Variants in ZNF732 observed in about 807,000 individuals in gnomAD.
ZNF732 encodes the protein zinc finger protein 732, also known as zinc finger protein LOC654254.
A neutral mutation model predicts 11.5 loss-of-function variants in ZNF732; 12 were observed. That is an observed-to-expected ratio of 1.05 (90% CI 0.67 to 1.70). The LOEUF is 1.70. ZNF732 is among the 40% of genes most tolerant of loss of function. The probability of loss-of-function intolerance (pLI) is 0.00; values close to 1 mark genes in which losing one functional copy is unlikely to be tolerated. For synonymous variants in ZNF732, 231 were observed against 236.5 expected, an observed-to-expected ratio of 0.98 and a Z score of 0.21; for missense variants, 702 against 676.9, an observed-to-expected ratio of 1.04 and a Z score of -0.41.
chr4:279,581 G>T (rs899955435), intron 3 of ZNF732, among the ~76,000 whole-genome samples: 6 of 152,052 alleles, frequency 3.9e-5, no homozygotes, highest in Admixed American at 3.9e-4. Context: ...GCAGTTTATT[G>T]TTTATGAGGT....
intron 3 of ZNF732, among the ~76,000 whole-genome samples, chr4:293,363 A>C (rs1225974817): frequency 4.0e-5 from 6 of 150,350 alleles, no homozygotes; most frequent in African/African-American, 1.5e-4. Flanking sequence ...ATAAAAGAAA[A>C]GGAAATCTAG....
chr4:295,897 C>T (rs1252980160), intron 2 of ZNF732, 132 bp downstream of exon 2: 2 of 1,170,342 alleles, frequency 1.7e-6, no homozygotes, highest in African/African-American at 3.2e-5. Flanking sequence ...CACCAGCAAA[C>T]TCCCAACAGT....
Position 270,697 on chromosome 4 carries a change from T to G in ZNF732, c.*402A>C. 5.1e-6 allele frequency: 2 copies of G among 390,036 alleles called. No homozygotes were observed. The highest frequency in any genetic ancestry group is 1.0e-5 in the Non-Finnish European group (2 of 198,400). 24.2% of individuals were successfully genotyped at this position (390,036 alleles called of 1,614,324 possible). A position where few individuals can be genotyped will look rare whatever the true frequency, so the allele number is the denominator to read the frequency against. On this transcript the variant is annotated 3_prime_UTR_variant, in exon 4 of 4. Transcript: ENST00000419098. Reference sequence around the variant, plus strand: ...CTTACATTTGTAGGTGTTCTCTCCATTATGAATTTTCTCATGTTTATTTAT... The same window carrying G: ...CTTACATTTGTAGGTGTTCTCTCCAGTATGAATTTTCTCATGTTTATTTAT...
chr4:299,012 T>C (rs1010845172), intron 1 of ZNF732, among the ~76,000 whole-genome samples: 28 of 152,144 alleles, frequency 1.8e-4, no homozygotes, highest in African/African-American at 6.8e-4. Flanking sequence ...TCTCATGATG[T>C]AGAAAATGTC....
At position 272,458 on chromosome 4, in the gene ZNF732, C is replaced by G. The variant is rs1226639347; in HGVS notation, c.399G>C (p.Leu133Phe). Residue 133 changes from leucine (L) to phenylalanine (F), a missense_variant, in exon 4 of 4, where the codon TTG becomes TTC. This residue lies in a region of ZNF732 where 596 missense variants were observed against 557.9 expected (regional missense o/e 1.07). Transcript: ENST00000419098. ...GAAATATTTTGCTCTGGATAGTTGA[C>G]AAGCATTGATTAAATTCATTATAAC... ...KGGYNEFNQC[L>F]STIQSKIFQC... 5.0e-6 allele frequency: 8 copies of G among 1,600,506 alleles called. No homozygotes were observed. The highest frequency in any genetic ancestry group is 6.8e-6 in the Non-Finnish European group (8 of 1,172,504).
intron 3 of ZNF732, among the ~76,000 whole-genome samples, chr4:285,343 G>A (rs1247526968): frequency 2.0e-5 from 3 of 152,192 alleles, no homozygotes; most frequent in Non-Finnish European, 4.4e-5. Flanking sequence ...ATGGTCAGGT[G>A]ATCCAGAAGC....
chr4:276,841 T>A (rs961189984), intron 3 of ZNF732, among the ~76,000 whole-genome samples: 1 of 150,324 alleles, frequency 6.7e-6, no homozygotes, highest in Non-Finnish European at 1.5e-5. Flanking sequence ...GACCCCCAAA[T>A]AGCAAAAGTA....
chr4:305,006 C>T (rs181240558), intron 1 of ZNF732, among the ~76,000 whole-genome samples: 3 of 152,198 alleles, frequency 2.0e-5, no homozygotes, highest in Non-Finnish European at 4.4e-5. Context: ...GACCACAGCT[C>T]CTCCCAGGCG....
chr4:305,468 A>T lies in ZNF732; in HGVS notation c.-158T>A. On this transcript the variant is annotated 5_prime_UTR_variant, in exon 1 of 4. Coordinates refer to ENST00000419098, the MANE Select transcript of ZNF732 (RefSeq NM_001137608.3). ...ACCCTAACCGAGCTCACGCTGGCGC[A>T]AAAGGCAAAAGCCGCGCCAGATCCC... 9.6e-7 allele frequency: 1 copy of T among 1,040,228 alleles called. No individual in the cohort carries two copies. The allele number at this position is 1,040,228 out of a possible 1,614,324, so 64.4% of individuals were successfully genotyped here. A position where few individuals can be genotyped will look rare whatever the true frequency, so the allele number is the denominator to read the frequency against.
At chr4:294,441 G>A (rs782818291) in intron 3 of ZNF732, among the ~76,000 whole-genome samples, 18 of 152,226 alleles carry the variant, frequency 1.2e-4, no homozygotes, top group Admixed American at 3.3e-4. Flanking sequence ...ACAGATACAC[G>A]TCAATGACAG....
At chr4:303,837 A>T (rs1243764125) in intron 1 of ZNF732, among the ~76,000 whole-genome samples, 1 of 152,184 alleles carries the variant, frequency 6.6e-6, no homozygotes, top group Non-Finnish European at 1.5e-5. Flanking sequence ...ACAGGAAATA[A>T]GATTTGTGAG....
chr4:285,678 A>G (rs1164686155), intron 3 of ZNF732, among the ~76,000 whole-genome samples: 4 of 152,196 alleles, frequency 2.6e-5, no homozygotes, highest in African/African-American at 9.7e-5. Context: ...GCTTCTGTGC[A>G]AAATTTTAAA....
At chr4:295,622 G>T in intron 2 of ZNF732, 89 bp from the exon 3 acceptor site, 1 of 1,126,458 alleles carries the variant, frequency 8.9e-7, no homozygotes, top group Non-Finnish European at 1.3e-6. Context: ...AGAAATTATG[G>T]AAGATCCTAC....
intron 3 of ZNF732, among the ~76,000 whole-genome samples, chr4:289,436 T>C (rs1483555808): frequency 2.0e-5 from 3 of 152,262 alleles, no homozygotes; most frequent in Non-Finnish European, 4.4e-5. Flanking sequence ...AGGCTCTCCA[T>C]CTTGATTTAT....
In ZNF732 at chr4:284,763, C is replaced by A. The variant is rs1379151804; in HGVS notation, c.226+10675G>T. 3.4e-5 allele frequency among the ~76,000 whole-genome samples: 5 copies of A among 147,142 alleles called. No individual in the cohort carries two copies. In the Admixed American group the frequency reaches 3.5e-4, roughly 10 times the overall value. On this transcript the variant is annotated intron_variant, in intron 3 of 3. Coordinates refer to ENST00000419098, the MANE Select transcript of ZNF732 (RefSeq NM_001137608.3). ...GCGGGCACTTGTAAACCCAGCTACT[C>A]GGGAGGCTGAGGCAGAAGAATCGCT...
rs2108650283 is a variant in ZNF732 at position 270,892 on chromosome 4, T to TA, written c.*206dup. 1.4e-6 allele frequency: 1 copy of TA among 713,812 alleles called. No individual in the cohort carries two copies. Among genetic ancestry groups the TA allele is most frequent in the African/African-American group, 1.8e-5 (1 of 56,794 alleles). The allele number at this position is 713,812 out of a possible 1,614,324, so 44.2% of individuals were successfully genotyped here. A position where few individuals can be genotyped will look rare whatever the true frequency, so the allele number is the denominator to read the frequency against. On this transcript the variant is annotated 3_prime_UTR_variant, in exon 4 of 4. Transcript: ENST00000419098. ...ATCAATTTTCTTATGTTGATTCAGG[T>TA]ATGCGGACTGTTTGAAGGCTTTCCC...
At chr4:284,914 C>CA (rs1221666325) in intron 3 of ZNF732, among the ~76,000 whole-genome samples, 1 of 125,044 alleles carries the variant, frequency 8.0e-6, no homozygotes. Context: ...AAGAAACAAA[C>CA]AAAAAACAAA....
chr4:274,131 G>A (rs527518156), intron 3 of ZNF732, among the ~76,000 whole-genome samples: 1 of 151,580 alleles, frequency 6.6e-6, no homozygotes, highest in African/African-American at 2.4e-5. Context: ...TCATATTACA[G>A]AAAATATTGT....
In ZNF732 at chr4:295,902, A is replaced by G. The variant is rs1358949041; in HGVS notation, c.130+127T>C. On this transcript the variant is annotated intron_variant, in intron 2 of 3. Coordinates refer to ENST00000419098, the MANE Select transcript of ZNF732 (RefSeq NM_001137608.3). ...TTCTTTTTTACACCAGCAAACTCCC[A>G]ACAGTTTCTTGAAGAAAGAAACTGA... 10 of 1,211,174 alleles carry G rather than the reference A, an allele frequency of 8.3e-6. No individual in the cohort carries two copies. The African/African-American group carries it at 1.1e-4, about 13-fold the overall frequency. 75.0% of individuals were successfully genotyped at this position (1,211,174 alleles called of 1,614,324 possible).
Sources: gnomAD v4.1 joint callset for allele counts (sites outside exome capture counted in the v4.1 genomes callset) on GRCh38, gnomAD v4.1.1 for gene constraint, gnomAD v4.1.1 regional missense constraint, MANE v1.5 for transcripts, NCBI Gene and HGNC (gene_info 2026-07-23, HGNC 2026-07-21) for gene names.